The following RBM5 variants were observed in gnomAD, a reference collection of about 807,000 sequenced individuals.
RBM5 encodes RNA-binding protein 5.
In RBM5, 15 loss-of-function variants were observed where a neutral mutation model predicts 124.6. The observed-to-expected ratio is 0.12, with a 90% confidence interval of 0.08 to 0.19. The LOEUF is 0.19. RBM5 is among the 10% of genes least tolerant of loss of function. The pLI is 1.00. For synonymous variants in RBM5, 337 were observed against 361.2 expected, an observed-to-expected ratio of 0.93 and a Z score of 0.76; for missense variants, 580 against 1,026.5, an observed-to-expected ratio of 0.57 and a Z score of 5.94.
In RBM5 at chr3:50,103,080, C is replaced by T; in HGVS notation, c.484-3C>T. 3.1e-6 allele frequency: 5 copies of T among 1,594,644 alleles called. No individual in the cohort carries two copies. The highest frequency in any genetic ancestry group is 4.3e-6 in the Non-Finnish European group (5 of 1,162,532). ...GAATAACTAATTACTTCTTTTCTTACAGAAAAAGTTGGTGATTCAAGGAAA... is the reference window on the plus strand; with the variant it reads ...GAATAACTAATTACTTCTTTTCTTATAGAAAAAGTTGGTGATTCAAGGAAA... On this transcript the variant is annotated splice_region_variant and splice_polypyrimidine_tract_variant and intron_variant, in intron 6 of 24. Transcript: ENST00000347869.
chr3:50,117,089 C>T lies in RBM5; in HGVS notation c.2110C>T (p.Arg704Ter). 6.2e-7 allele frequency: 1 copy of T among 1,614,098 alleles called. No homozygotes were observed. The highest frequency in any genetic ancestry group is 8.5e-7 in the Non-Finnish European group (1 of 1,179,998). Residue 704 changes from arginine to a stop codon, truncating the protein, a stop_gained, in exon 23 of 25, where the codon CGA becomes TGA. Transcript: ENST00000347869. LOFTEE classifies it high-confidence loss of function. The surrounding 1 kb of genome is among the most constrained non-coding windows in gnomAD (Gnocchi z 4.2). ...LREREMKYRD[R>*]AAERREKYGI... is the part of the protein sequence containing the mutation. The stretch of plus-strand genomic sequence containing the variant: ...TCCCATGTAGATGAAATACCGAGAC[C>T]GAGCTGCAGAAAGACGGGAGAAGTA...
At chr3:50,111,058 A>G (rs566852224) in intron 17 of RBM5, among the ~76,000 whole-genome samples, 1 of 152,350 alleles carries the variant, frequency 6.6e-6, no homozygotes, top group South Asian at 2.1e-4. Flanking sequence ...ATGTGTATAT[A>G]CACCACCACT....
chr3:50,090,242 A>T, intron 1 of RBM5, 140 bp from the exon 2 acceptor site: 1 of 576,234 alleles, frequency 1.7e-6, no homozygotes, highest in Non-Finnish European at 3.0e-6. Context: ...GTTTGTCCCC[A>T]CCACTTCCCC....
At chr3:50,107,396 G>A in intron 11 of RBM5, 86 bp from the exon 12 acceptor site, 1 of 1,075,788 alleles carries the variant, frequency 9.3e-7, no homozygotes, top group Non-Finnish European at 1.4e-6. Flanking sequence ...ACTGACAAAG[G>A]GTGGAGTGAA....
chr3:50,092,513 G>A (rs2090721747), intron 3 of RBM5, among the ~76,000 whole-genome samples: 1 of 148,936 alleles, frequency 6.7e-6, no homozygotes, highest in Admixed American at 6.8e-5. Flanking sequence ...AGTGAGCTGA[G>A]ATTGTATCAG....
chr3:50,097,393 C>CAA (rs35592964), intron 4 of RBM5, among the ~76,000 whole-genome samples: 10,993 of 113,962 alleles, frequency 0.096, 466 homozygotes, highest in African/African-American at 0.12. Flanking sequence ...AAGACTGTCT[C>CAA]AAAAAAAAAA....
chr3:50,103,051 A>G (rs760453502), intron 6 of RBM5, 32 bp from the exon 7 acceptor site: 8 of 1,506,262 alleles, frequency 5.3e-6, no homozygotes, highest in South Asian at 1.1e-5. Flanking sequence ...GTTCCTCACA[A>G]TGGGAATAAC....
intron 8 of RBM5, 114 bp from the exon 9 acceptor site, chr3:50,104,961 AAG>A: frequency 1.2e-6 from 1 of 822,660 alleles, no homozygotes; most frequent in Non-Finnish European, 1.9e-6. Flanking sequence ...ATGCTTAAAA[AAG>A]AAAAAAACGA....
chr3:50,100,330 C>A lies in RBM5; in HGVS notation c.410-202C>A. 1 of 555,170 alleles carries A rather than the reference C, an allele frequency of 1.8e-6. No individual in the cohort carries two copies. The highest frequency in any genetic ancestry group is 1.9e-5 in the African/African-American group (1 of 52,604). The allele number at this position is 555,170 out of a possible 1,614,324, so 34.4% of individuals were successfully genotyped here. ...TGCATGGTTACTTTAAGCGTGGAAT[C>A]AAATGGAGTGGCATTTAGTTCAGGC... On this transcript the variant is annotated intron_variant, in intron 5 of 24. Transcript: ENST00000347869. This position sits in a 1 kb window ranked among gnomAD's most constrained non-coding sequence, Gnocchi z 5.1.
intron 20 of RBM5, chr3:50,114,491 G>C: frequency 2.1e-6 from 1 of 485,002 alleles, no homozygotes; most frequent in East Asian, 3.7e-5. Context: ...AAGTTTCATT[G>C]CATCTGTGAG....
At chr3:50,116,265 G>C (rs1044183722) in intron 22 of RBM5, 23 of 388,318 alleles carry the variant, frequency 5.9e-5, no homozygotes, top group South Asian at 2.4e-4. Flanking sequence ...TTGTTATGGA[G>C]AGAGTGGTCT....
Position 50,106,754 on chromosome 3 carries a change from C to G in RBM5, c.856-13C>G. 6.4e-7 allele frequency: 1 copy of G among 1,566,808 alleles called. No individual in the cohort carries two copies. The highest frequency in any genetic ancestry group is 8.8e-7 in the Non-Finnish European group (1 of 1,138,806). On this transcript the variant is annotated splice_polypyrimidine_tract_variant and intron_variant, in intron 10 of 24. Coordinates refer to ENST00000347869, the MANE Select transcript of RBM5 (RefSeq NM_005778.4). ...TTGCATTACACGTTTTTTTCCTTCA[C>G]ATTCTCCTTCAGGATGCTTCTCAGC...
At chr3:50,091,945 C>T (rs748047594) in intron 2 of RBM5, 98 bp from the exon 3 acceptor site, 1 of 1,330,170 alleles carries the variant, frequency 7.5e-7, no homozygotes, top group Non-Finnish European at 1.1e-6. Context: ...TTTGGATTAT[C>T]TTATAAACTG....
intron 21 of RBM5, 50 bp downstream of exon 21, chr3:50,115,657 C>T (rs1211332598): frequency 6.4e-7 from 1 of 1,553,866 alleles, no homozygotes; most frequent in Non-Finnish European, 8.7e-7. Flanking sequence ...GGCAGTGAGA[C>T]AATTTGAGTG....
Position 50,100,125 on chromosome 3 carries a change from A to AT in RBM5, c.409+76dup. 4 of 1,309,312 alleles carry AT rather than the reference A, an allele frequency of 3.1e-6. No homozygotes were observed. Among genetic ancestry groups the AT allele is most frequent in the Non-Finnish European group, 4.3e-6 (4 of 926,290 alleles). 81.1% of individuals were successfully genotyped at this position (1,309,312 alleles called of 1,614,324 possible). On this transcript the variant is annotated intron_variant, in intron 5 of 24. Coordinates refer to ENST00000347869, the MANE Select transcript of RBM5 (RefSeq NM_005778.4). This position sits in a 1 kb window ranked among gnomAD's most constrained non-coding sequence, Gnocchi z 5.1. ...ACCTCAGTCCCTAAAGAACATCCTG[A>AT]TTCCCCCAGTCTTCAAGCACATGAA...
intron 3 of RBM5, chr3:50,092,729 G>A (rs2090726399): frequency 2.2e-6 from 1 of 453,858 alleles, no homozygotes; most frequent in South Asian, 1.6e-5. Context: ...TAACATATTA[G>A]TTCTGTGTTT....
In RBM5 at chr3:50,105,600, C is replaced by T; in HGVS notation, c.746C>T (p.Thr249Ile). The change falls in exon 10 of 25, where the codon ACA (threonine) becomes ATA (isoleucine). Residue 249 changes from threonine (T) to isoleucine (I), a missense_variant. Thr to Ile is a moderately conservative substitution (Grantham distance 89). This residue lies in a region of RBM5 where 101 missense variants were observed against 223.2 expected (regional missense o/e 0.45). Transcript: ENST00000347869. ...CACACTGTGGTGGATTCCATCATGA[C>T]AGCACTGTCTCCTTACGCGTCTTTA... ...APHTVVDSIM[T>I]ALSPYASLAV... 6.2e-7 allele frequency: 1 copy of T among 1,614,174 alleles called. No individual in the cohort carries two copies. Among genetic ancestry groups the T allele is most frequent in the South Asian group, 1.1e-5 (1 of 91,078 alleles).
At chr3:50,094,115 C>A in intron 4 of RBM5, 1 of 334,934 alleles carries the variant, frequency 3.0e-6, no homozygotes, top group Non-Finnish European at 5.5e-6. Flanking sequence ...TTGTATATGT[C>A]TTATACATGC....
intron 6 of RBM5, chr3:50,102,771 C>T (rs1348543410): frequency 3.0e-6 from 1 of 329,192 alleles, no homozygotes; most frequent in Non-Finnish European, 5.6e-6. Flanking sequence ...GACTGTCACA[C>T]TCAGGCAGCC....
Sources: allele counts gnomAD v4.1 joint callset (sites outside exome capture counted in the v4.1 genomes callset), GRCh38; gene constraint gnomAD v4.1.1; regional missense constraint gnomAD v4.1.1; non-coding constraint Gnocchi (gnomAD v3.1); transcripts MANE v1.5; gene names NCBI Gene and HGNC (gene_info 2026-07-23, HGNC 2026-07-21).